DCC: variants seen among roughly 807,000 people sequenced by gnomAD.
DCC encodes DCC netrin 1 receptor, also known as netrin receptor DCC.
Under a neutral mutation model 172.5 loss-of-function variants are expected in DCC, and 58 were observed. The observed-to-expected ratio is 0.34, with a 90% confidence interval of 0.27 to 0.42. The LOEUF is 0.42. Ranked by LOEUF, DCC falls within the 10% of genes least tolerant of loss-of-function variation. The pLI is 1.00. For synonymous variants in DCC, 709 were observed against 644.5 expected, an observed-to-expected ratio of 1.10 and a Z score of -1.52; for missense variants, 1,740 against 1,791.0, an observed-to-expected ratio of 0.97 and a Z score of 0.51.
intron 9 of DCC, among the ~76,000 whole-genome samples, chr18:53,180,411 A>C (rs550041981): frequency 1.1e-4 from 17 of 152,332 alleles, no homozygotes; most frequent in African/African-American, 4.1e-4. Flanking sequence ...CCCAGGCATA[A>C]TAATAATTTG....
At chr18:53,459,196 AG>A (rs767793364) in intron 23 of DCC, 35 bp from the exon 24 acceptor site, 1 of 1,474,188 alleles carries the variant, frequency 6.8e-7, no homozygotes. Flanking sequence ...CATTGAATAG[AG>A]GTTCTCACAT....
intron 7 of DCC, among the ~76,000 whole-genome samples, chr18:53,110,937 G>C (rs907538730): frequency 8.1e-6 from 1 of 123,290 alleles, no homozygotes; most frequent in East Asian, 2.3e-4. Context: ...CTGCTATAAA[G>C]ACACATGCAC....
chr18:52,988,719 G>T (rs553248700), intron 5 of DCC, among the ~76,000 whole-genome samples: 5 of 152,168 alleles, frequency 3.3e-5, no homozygotes, highest in Non-Finnish European at 5.9e-5. Flanking sequence ...GAAGGAAAAA[G>T]ATGTGACTTA....
intron 2 of DCC, among the ~76,000 whole-genome samples, chr18:52,768,977 C>CA (rs2037297655): frequency 6.6e-6 from 1 of 151,996 alleles, no homozygotes; most frequent in African/African-American, 2.4e-5. Flanking sequence ...CATGGCTTCC[C>CA]AAAAGGATCA....
intron 7 of DCC, among the ~76,000 whole-genome samples, chr18:53,148,777 G>A (rs748677794): frequency 4.6e-5 from 7 of 151,398 alleles, no homozygotes; most frequent in Admixed American, 2.6e-4. Context: ...TACAAGTGAC[G>A]ACGTACTTTC....
chr18:52,536,173 A>T (rs1168810711), intron 1 of DCC, among the ~76,000 whole-genome samples: 1 of 152,010 alleles, frequency 6.6e-6, no homozygotes, highest in Admixed American at 6.6e-5. Context: ...ATGTGGGGGG[A>T]AGGAGGAAAT....
At chr18:53,261,615 A>G (rs929405633) in intron 12 of DCC, among the ~76,000 whole-genome samples, 1 of 152,100 alleles carries the variant, frequency 6.6e-6, no homozygotes, top group African/African-American at 2.4e-5. Flanking sequence ...CTATCACGCC[A>G]TTCTCCTGCC....
intron 5 of DCC, among the ~76,000 whole-genome samples, chr18:52,959,036 C>G (rs1034008220): frequency 6.6e-6 from 1 of 151,880 alleles, no homozygotes; most frequent in South Asian, 2.1e-4. Context: ...TTTGTGTGGC[C>G]GAAGACAGTT....
intron 2 of DCC, 127 bp downstream of exon 2, chr18:52,752,501 CAAGT>C (rs2037013805): frequency 4.0e-6 from 3 of 753,112 alleles, no homozygotes; most frequent in Non-Finnish European, 6.8e-6. Context: ...TTTAAGTTGA[CAAGT>C]AATTATATAT....
In DCC at chr18:52,635,578, T is replaced by C. The variant is rs78977437; in HGVS notation, c.92-116476T>C. Reference sequence around the variant, plus strand: ...AATACATTTATCAGGATAATGACAATTTATAAGGCTAATGGCTATTACACT... The same window carrying C: ...AATACATTTATCAGGATAATGACAACTTATAAGGCTAATGGCTATTACACT... On this transcript the variant is annotated intron_variant, in intron 1 of 28. Coordinates refer to ENST00000442544, the MANE Select transcript of DCC (RefSeq NM_005215.4). Among the ~76,000 whole-genome samples the C allele has an allele frequency of 6.7e-3, 1,026 of 152,332 alleles. 14 individuals carry two copies. Among genetic ancestry groups the C allele is most frequent in the African/African-American group, 0.023 (968 of 41,568 alleles).
intron 26 of DCC, among the ~76,000 whole-genome samples, chr18:53,490,991 T>C (rs1248297784): frequency 2.0e-5 from 3 of 152,206 alleles, no homozygotes; most frequent in African/African-American, 7.2e-5. Context: ...CTCACTCCTG[T>C]CTAGTACATT....
At chr18:53,011,050 T>C (rs2041723397) in intron 5 of DCC, among the ~76,000 whole-genome samples, 1 of 151,544 alleles carries the variant, frequency 6.6e-6, no homozygotes, top group South Asian at 2.1e-4. Context: ...ATATTAAATT[T>C]ATACAAGGTA....
Position 53,233,659 on chromosome 18 carries a change from C to T in DCC, c.1911+18062C>T, listed in dbSNP as rs367625228. Among the ~76,000 whole-genome samples the T allele has an allele frequency of 9.9e-5, 15 of 152,146 alleles. No homozygotes were observed. The East Asian group carries it at 1.5e-3, about 16-fold the overall frequency. On this transcript the variant is annotated intron_variant, in intron 12 of 28. Coordinates refer to ENST00000442544, the MANE Select transcript of DCC (RefSeq NM_005215.4). ...AATCTGATTTTACTTAAAACTCTTC[C>T]GAGTTACCTTTGTGAATAATTCACC...
intron 15 of DCC, among the ~76,000 whole-genome samples, chr18:53,357,530 T>C (rs901623827): frequency 2.6e-5 from 4 of 152,208 alleles, no homozygotes; most frequent in Non-Finnish European, 5.9e-5. Context: ...AAAAAATGAA[T>C]AAGTACCATG....
intron 27 of DCC, among the ~76,000 whole-genome samples, chr18:53,526,328 GTGA>G (rs1339699772): frequency 6.6e-6 from 1 of 152,096 alleles, no homozygotes; most frequent in Admixed American, 6.6e-5. Flanking sequence ...TTTATAGGGT[GTGA>G]TGAACAGTCC....
intron 8 of DCC, among the ~76,000 whole-genome samples, chr18:53,167,758 A>G (rs551972948): frequency 7.2e-5 from 11 of 152,324 alleles, no homozygotes; most frequent in African/African-American, 1.9e-4. Flanking sequence ...CATTAATACA[A>G]AGTGATACAT....
At chr18:52,655,229 G>A (rs1372230882) in intron 1 of DCC, among the ~76,000 whole-genome samples, 1 of 152,036 alleles carries the variant, frequency 6.6e-6, no homozygotes, top group Non-Finnish European at 1.5e-5. Context: ...AGTTCTGCTT[G>A]GTTGAAACAA....
chr18:53,395,669 G>T (rs1908882969), intron 17 of DCC, among the ~76,000 whole-genome samples: 1 of 152,114 alleles, frequency 6.6e-6, no homozygotes, highest in Non-Finnish European at 1.5e-5. Flanking sequence ...TTAAGATGGA[G>T]TCTCGCTCTG....
intron 1 of DCC, among the ~76,000 whole-genome samples, chr18:52,438,862 T>C (rs1234080857): frequency 6.6e-6 from 1 of 152,102 alleles, no homozygotes; most frequent in Non-Finnish European, 1.5e-5. Flanking sequence ...TTTAGGTAAA[T>C]TACTTATAGT....
Sources: allele counts gnomAD v4.1 joint callset (sites outside exome capture counted in the v4.1 genomes callset), GRCh38; gene constraint gnomAD v4.1.1; transcripts MANE v1.5; gene names NCBI Gene and HGNC (gene_info 2026-07-23, HGNC 2026-07-21).